AXL: variants seen among roughly 807,000 people sequenced by gnomAD.
AXL encodes AXL receptor tyrosine kinase.
A neutral mutation model predicts 104.5 loss-of-function variants in AXL; 52 were observed. The observed-to-expected ratio is 0.50, with a 90% confidence interval of 0.40 to 0.63. The LOEUF (loss-of-function observed/expected upper bound fraction) is 0.63. Among genes scored for constraint, AXL ranks in the 20% least tolerant of loss-of-function variants. AXL has a pLI of 0.00. For synonymous variants in AXL, 455 were observed against 473.7 expected (o/e 0.96, Z 0.51); for missense variants, 1,024 against 1,188.5 (o/e 0.86, Z 2.04).
chr19:41,255,266 T>G (rs369927754), intron 17 of AXL, among the ~76,000 whole-genome samples: 1 of 152,206 alleles, frequency 6.6e-6, no homozygotes, highest in South Asian at 2.1e-4. Context: ...TATTCCATCA[T>G]ATGAATGTCC....
At chr19:41,248,860 C>T (rs749337623) in intron 14 of AXL, 40 bp downstream of exon 14, 1 of 1,546,760 alleles carries the variant, frequency 6.5e-7, no homozygotes, top group South Asian at 1.2e-5. Context: ...CAGCTCCTTC[C>T]CTATGCCCCT....
chr19:41,219,291 C>CA lies in AXL; in HGVS notation c.-99dup. The CA allele has an allele frequency of 8.3e-7, 1 of 1,211,466 alleles. No individual in the cohort carries two copies. Among genetic ancestry groups the CA allele is most frequent in the Non-Finnish European group, 1.1e-6 (1 of 876,984 alleles). The allele number at this position is 1,211,466 out of a possible 1,614,324, so 75.0% of individuals were successfully genotyped here. On this transcript the variant is annotated 5_prime_UTR_variant, in exon 1 of 20. Coordinates refer to ENST00000301178, the MANE Select transcript of AXL (RefSeq NM_021913.5). ...TGCCGCTGTGCCAGGCAGGCAGTGC[C>CA]AAATCCGGGGAGCCTGGAGCTGGGG...
At chr19:41,253,219 G>A (rs1350574818) in intron 16 of AXL, among the ~76,000 whole-genome samples, 5 of 152,202 alleles carry the variant, frequency 3.3e-5, no homozygotes, top group Non-Finnish European at 5.9e-5. Context: ...TTGGGTGGAC[G>A]TGGAAGATCT....
rs1296072291 is a variant in AXL at position 41,243,697 on chromosome 19, T to C, written c.1527T>C (p.Thr509=). The C allele has an allele frequency of 6.2e-7, 1 of 1,613,676 alleles. No individual in the cohort carries two copies. The highest frequency in any genetic ancestry group is 8.5e-7 in the Non-Finnish European group (1 of 1,179,586). ...GCAAGTCCTACAGTCGTCGGACCACTGAAGCTACCTGTAAGTGAACCCTAT... is the reference window on the plus strand; with the variant it reads ...GCAAGTCCTACAGTCGTCGGACCACCGAAGCTACCTGTAAGTGAACCCTAT... ...RVRKSYSRRT[T]EATLNSLGIS... Residue 509 remains threonine (T), a synonymous_variant, in exon 12 of 20, where the codon ACT becomes ACC. Transcript: ENST00000301178.
intron 1 of AXL, among the ~76,000 whole-genome samples, chr19:41,219,865 C>T (rs1443442857): frequency 3.3e-5 from 5 of 151,654 alleles, no homozygotes; most frequent in South Asian, 2.1e-4. Context: ...GAGGAGGGCT[C>T]TGGAGCCCTG....
At chr19:41,227,735 C>T (rs926895850) in intron 4 of AXL, among the ~76,000 whole-genome samples, 13 of 152,148 alleles carry the variant, frequency 8.5e-5, no homozygotes, top group South Asian at 6.2e-4. Context: ...GTGATCCACC[C>T]GCCTCGGCCT....
chr19:41,259,508 T>C, intron 19 of AXL, 45 bp from the exon 20 acceptor site: 1 of 1,525,294 alleles, frequency 6.6e-7, no homozygotes, highest in Non-Finnish European at 8.9e-7. Flanking sequence ...ATGCACCCCT[T>C]CTGAGTCCCT....
In AXL at chr19:41,221,990, C is replaced by A. The variant is rs2122199420; in HGVS notation, c.520C>A (p.Leu174Ile). ...GPPEPVDLLWLQDAVPLATAP... is the reference protein window; with the variant it reads ...GPPEPVDLLWIQDAVPLATAP... ...CCCAGAGCCCGTGGACCTACTCTGG[C>A]TCCAGGATGCTGTCCCCCTGGCCAC... The change falls in exon 4 of 20, where the codon CTC becomes ATC. Residue 174 changes from leucine (L) to isoleucine (I), a missense_variant. Transcript: ENST00000301178. 6.2e-7 allele frequency: 1 copy of A among 1,609,886 alleles called. No individual in the cohort carries two copies. Among genetic ancestry groups the A allele is most frequent in the Non-Finnish European group, 8.5e-7 (1 of 1,178,434 alleles).
At chr19:41,245,518 T>C (rs990316446) in intron 12 of AXL, among the ~76,000 whole-genome samples, 2 of 151,370 alleles carry the variant, frequency 1.3e-5, no homozygotes, top group Non-Finnish European at 2.9e-5. Context: ...AGGTCAGGAG[T>C]TCGAGACCAG....
intron 8 of AXL, 150 bp from the exon 9 acceptor site, chr19:41,239,014 G>A: frequency 1.1e-6 from 1 of 891,860 alleles, no homozygotes; most frequent in Non-Finnish European, 1.7e-6. Context: ...AAAGGATGAG[G>A]ATGAGAGATG....
intron 18 of AXL, 126 bp downstream of exon 18, chr19:41,256,737 G>A: frequency 1.6e-6 from 2 of 1,289,310 alleles, no homozygotes; most frequent in South Asian, 1.4e-5. Context: ...GCAGGGGCTT[G>A]TCCACATGGG....
chr19:41,237,787 C>T (rs901283380), intron 6 of AXL, among the ~76,000 whole-genome samples, 157 bp from the exon 7 acceptor site: 1 of 152,154 alleles, frequency 6.6e-6, no homozygotes, highest in African/African-American at 2.4e-5. Flanking sequence ...CCTTGCTTTG[C>T]AAATCCAGGT....
chr19:41,243,104 G>C, intron 11 of AXL, 89 bp downstream of exon 11: 1 of 1,572,986 alleles, frequency 6.4e-7, no homozygotes, highest in Non-Finnish European at 8.7e-7. Flanking sequence ...TGCAGGAGGA[G>C]TGATGACTAA....
chr19:41,252,808 T>C (rs747525718), intron 15 of AXL, 38 bp from the exon 16 acceptor site: 1 of 1,611,862 alleles, frequency 6.2e-7, no homozygotes, highest in Non-Finnish European at 8.5e-7. Flanking sequence ...CTTCCCCTTC[T>C]GCCCAGCAGG....
At chr19:41,231,439 CT>C in intron 6 of AXL, 141 bp downstream of exon 6, 20 of 779,310 alleles carry the variant, frequency 2.6e-5, no homozygotes, top group South Asian at 9.5e-5. Context: ...GCCAGATGTC[CT>C]GGGTTCGAAT....
chr19:41,242,750 C>T (rs148561456), intron 10 of AXL, 133 bp from the exon 11 acceptor site: 2 of 1,150,958 alleles, frequency 1.7e-6, no homozygotes, highest in East Asian at 2.4e-5. Context: ...GTGAATGCAT[C>T]CATCACACAC....
chr19:41,251,032 G>C (rs951845808), intron 14 of AXL, among the ~76,000 whole-genome samples: 1 of 152,360 alleles, frequency 6.6e-6, no homozygotes, highest in Admixed American at 6.5e-5. Context: ...TTGTGAGCAG[G>C]TGGACCCTGG....
intron 4 of AXL, among the ~76,000 whole-genome samples, chr19:41,227,936 G>A (rs1432071923): frequency 6.6e-6 from 1 of 152,112 alleles, no homozygotes; most frequent in Non-Finnish European, 1.5e-5. Context: ...TCACGTTCTA[G>A]GCCAACCAGA....
In AXL at chr19:41,243,681, A is replaced by G. The variant is rs1172631104; in HGVS notation, c.1511A>G (p.Tyr504Cys). The G allele has an allele frequency of 7.4e-6, 12 of 1,613,940 alleles. No homozygotes were observed. The South Asian group carries it at 1.1e-4, about 15-fold the overall frequency. Residue 504 changes from tyrosine (Y) to cysteine (C), a missense_variant, in exon 12 of 20, where the codon TAC becomes TGC. Tyr to Cys is a radical substitution (Grantham distance 194). Around this residue, in one of 5 missense-constraint regions of AXL, gnomAD observed 523 missense variants for 636.0 expected, o/e 0.82. Coordinates refer to ENST00000301178, the MANE Select transcript of AXL (RefSeq NM_021913.5). The part of the protein sequence containing the change: ...LVVRYRVRKS[Y>C]SRRTTEATLN... ...GTCAGGTACCGCGTGCGCAAGTCCT[A>G]CAGTCGTCGGACCACTGAAGCTACC...
Sources: gnomAD v4.1 joint callset for allele counts (sites outside exome capture counted in the v4.1 genomes callset) on GRCh38, gnomAD v4.1.1 for gene constraint, gnomAD v4.1.1 regional missense constraint, MANE v1.5 for transcripts, NCBI Gene and HGNC (gene_info 2026-07-23, HGNC 2026-07-21) for gene names.